Variants in RARB observed in about 807,000 individuals in gnomAD.
RARB encodes the protein HBV-activated protein.
In RARB, 17 loss-of-function variants were observed where a neutral mutation model predicts 51.9. The ratio of observed to expected loss-of-function variants is 0.33; its 90% CI spans 0.22 to 0.49. RARB has a LOEUF of 0.49. Ranked by LOEUF, RARB falls within the 20% of genes least tolerant of loss-of-function variation. RARB has a pLI of 0.99. For missense variants in RARB, 369 were observed against 550.8 expected, an observed-to-expected ratio of 0.67 and a Z score of 3.30; for synonymous variants, 215 against 195.4, an observed-to-expected ratio of 1.10 and a Z score of -0.84.
intron 2 of RARB, among the ~76,000 whole-genome samples, chr3:24,900,261 G>C (rs1703573959): frequency 6.6e-6 from 1 of 151,380 alleles, no homozygotes; most frequent in South Asian, 2.1e-4. Flanking sequence ...GTGGTCAGAA[G>C]TCTGAAGGAA....
At chr3:25,032,884 T>C (rs1034387263) in intron 2 of RARB, among the ~76,000 whole-genome samples, 1 of 152,210 alleles carries the variant, frequency 6.6e-6, no homozygotes, top group African/African-American at 2.4e-5. Context: ...AAAAAAATAG[T>C]TCAATTGTCA....
At position 25,597,739 on chromosome 3, in the gene RARB, T is replaced by TGTCA. The variant is rs1364754080; in HGVS notation, c.*1126_*1129dup. On this transcript the variant is annotated 3_prime_UTR_variant, in exon 8 of 8. Transcript: ENST00000330688. ...TGGTAGAGTGGTTAACAGATACAAG[T>TGTCA]GTCAGTTTCTTAGTTCTCATTTAAG... is the stretch of plus-strand genomic sequence containing the variant. The TGTCA allele has an allele frequency of 2.0e-5, 3 of 152,416 alleles. No homozygotes were observed. The highest frequency in any genetic ancestry group is 7.3e-5 in the African/African-American group (3 of 41,332). The allele number at this position is 152,416 out of a possible 1,614,324, so 9.4% of individuals were successfully genotyped here. A position where few individuals can be genotyped will look rare whatever the true frequency, so the allele number is the denominator to read the frequency against.
intron 5 of RARB, among the ~76,000 whole-genome samples, chr3:25,296,778 T>A (rs1703925453): frequency 6.6e-6 from 1 of 152,216 alleles, no homozygotes; most frequent in Non-Finnish European, 1.5e-5. Context: ...AGTTAGAATT[T>A]GGAAGTCCCA....
chr3:25,358,657 A>G (rs759100085), intron 5 of RARB, among the ~76,000 whole-genome samples: 4 of 152,170 alleles, frequency 2.6e-5, no homozygotes, highest in African/African-American at 4.8e-5. Flanking sequence ...TGTTCCATCA[A>G]TACCTAGTTT....
intron 5 of RARB, among the ~76,000 whole-genome samples, chr3:25,589,080 T>C (rs1469423660): frequency 3.9e-5 from 6 of 152,208 alleles, no homozygotes; most frequent in Non-Finnish European, 8.8e-5. Context: ...TTTAAAACAA[T>C]GTTATTTCTT....
intron 4 of RARB, 102 bp downstream of exon 4, chr3:25,570,020 ACT>A: frequency 9.2e-6 from 10 of 1,082,690 alleles, no homozygotes; most frequent in Non-Finnish European, 1.3e-5. Flanking sequence ...ACACACACAC[ACT>A]TTGCACTGGG....
chr3:25,339,474 C>T (rs1248471638), intron 5 of RARB, among the ~76,000 whole-genome samples: 1 of 152,168 alleles, frequency 6.6e-6, no homozygotes, highest in African/African-American at 2.4e-5. Flanking sequence ...AAATCTTCCA[C>T]CACGTGGCTG....
At chr3:25,211,959 A>G (rs556185456) in intron 5 of RARB, among the ~76,000 whole-genome samples, 1 of 152,154 alleles carries the variant, frequency 6.6e-6, no homozygotes, top group South Asian at 2.1e-4. Flanking sequence ...AAATATTTCC[A>G]TTTGCCAATA....
rs574017920 is a variant in RARB, at chr3:25,012,201, T to C, written c.-379-47924T>C. On this transcript the variant is annotated intron_variant, in intron 2 of 11. Transcript: ENST00000383772. Reference sequence around the variant, plus strand: ...GGAAATCAAAGGCACTTCAAAAGCATATTGATGCATATGTTAAATGTTCCA... The same window carrying C: ...GGAAATCAAAGGCACTTCAAAAGCACATTGATGCATATGTTAAATGTTCCA... Among the ~76,000 whole-genome samples the C allele has an allele frequency of 6.6e-4, 100 of 152,224 alleles. 1 individual carries two copies. The highest frequency in any genetic ancestry group is 2.2e-3 in the African/African-American group (93 of 41,562).
At chr3:24,834,991 G>A (rs1438018845) in intron 1 of RARB, among the ~76,000 whole-genome samples, 1 of 149,598 alleles carries the variant, frequency 6.7e-6, no homozygotes, top group African/African-American at 2.5e-5. Context: ...ACTTTCTGCT[G>A]TGCCTTTCCA....
At chr3:25,589,533 C>T (rs1253914039) in intron 5 of RARB, among the ~76,000 whole-genome samples, 4 of 152,192 alleles carry the variant, frequency 2.6e-5, no homozygotes, top group Non-Finnish European at 5.9e-5. Flanking sequence ...AGGCCCTCAC[C>T]GTAAGAGAGG....
At chr3:25,310,440 A>G (rs1299243758) in intron 5 of RARB, among the ~76,000 whole-genome samples, 2 of 152,326 alleles carry the variant, frequency 1.3e-5, no homozygotes, top group Middle Eastern at 3.4e-3. Flanking sequence ...AGTTATCACA[A>G]TGAACAAAAC....
At chr3:25,446,810 A>T (rs1708965052) in intron 1 of RARB, among the ~76,000 whole-genome samples, 1 of 128,908 alleles carries the variant, frequency 7.8e-6, no homozygotes, top group Non-Finnish European at 1.7e-5. Flanking sequence ...CTCAAAAAAA[A>T]AAAAAAAAAA....
At chr3:25,596,383 T>C (rs1315924586) in intron 7 of RARB, 37 bp from the exon 8 acceptor site, 1 of 1,533,620 alleles carries the variant, frequency 6.5e-7, no homozygotes, top group Non-Finnish European at 9.0e-7. Flanking sequence ...GCTTAACTCC[T>C]TATCTTAACC....
chr3:25,595,038 A>G (rs1423694647), intron 7 of RARB, among the ~76,000 whole-genome samples: 2 of 152,148 alleles, frequency 1.3e-5, no homozygotes, highest in Non-Finnish European at 2.9e-5. Context: ...TTTTTCTTGA[A>G]TATCTAAACC....
chr3:25,569,301 A>G (rs1700620057), intron 3 of RARB, among the ~76,000 whole-genome samples: 1 of 152,240 alleles, frequency 6.6e-6, no homozygotes, highest in Admixed American at 6.5e-5. Context: ...AATTCAGAAA[A>G]CTAAAAAGCA....
intron 5 of RARB, among the ~76,000 whole-genome samples, chr3:25,275,139 A>G (rs1229623968): frequency 6.6e-6 from 1 of 152,176 alleles, no homozygotes; most frequent in Admixed American, 6.5e-5. Flanking sequence ...TGACCACATC[A>G]TACCCACAGA....
chr3:25,399,604 A>G (rs1035072576), intron 5 of RARB, among the ~76,000 whole-genome samples: 2 of 152,210 alleles, frequency 1.3e-5, no homozygotes, highest in African/African-American at 4.8e-5. Context: ...GAAGGTAGCA[A>G]AAAGCCTCCG....
At chr3:25,109,905 C>A (rs1699571281) in intron 3 of RARB, among the ~76,000 whole-genome samples, 3 of 152,214 alleles carry the variant, frequency 2.0e-5, no homozygotes, top group Admixed American at 2.0e-4. Flanking sequence ...CAAGATACCC[C>A]TGTAGGCTCC....
Sources: allele counts gnomAD v4.1 joint callset (sites outside exome capture counted in the v4.1 genomes callset), GRCh38; gene constraint gnomAD v4.1.1; transcripts MANE v1.5; gene names NCBI Gene and HGNC (gene_info 2026-07-23, HGNC 2026-07-21).